DNAH8: variants seen among roughly 807,000 people sequenced by gnomAD.
DNAH8 encodes the protein axonemal beta dynein heavy chain 8.
A neutral mutation model predicts 562.1 loss-of-function variants in DNAH8; 382 were observed. The ratio of observed to expected loss-of-function variants is 0.68; its 90% CI spans 0.63 to 0.74. The LOEUF is 0.74. DNAH8 is among the 30% of genes least tolerant of loss of function. DNAH8 has a pLI of 0.00. For missense variants in DNAH8, 5,203 were observed against 5,620.4 expected (o/e 0.93, Z 2.37); for synonymous variants, 1,881 against 1,919.4 (o/e 0.98, Z 0.52).
intron 32 of DNAH8, among the ~76,000 whole-genome samples, chr6:38,837,217 G>A (rs1774374641): frequency 1.3e-5 from 2 of 152,108 alleles, no homozygotes; most frequent in South Asian, 4.2e-4. Context: ...GTATCTGTCA[G>A]ATCTGTATTT....
intron 56 of DNAH8, among the ~76,000 whole-genome samples, chr6:38,886,238 C>T (rs1210976521): frequency 6.6e-6 from 1 of 151,912 alleles, no homozygotes; most frequent in Non-Finnish European, 1.5e-5. Flanking sequence ...GGAAGTGATC[C>T]CAGAGCCCTG....
At chr6:38,863,379 A>T (rs2150412307) in intron 44 of DNAH8, among the ~76,000 whole-genome samples, 1 of 152,214 alleles carries the variant, frequency 6.6e-6, no homozygotes, top group East Asian at 1.9e-4. Context: ...GTGAGCCGAG[A>T]TCTTGCCACT....
chr6:38,898,601 G>A (rs1049335631), intron 61 of DNAH8, among the ~76,000 whole-genome samples: 1 of 152,180 alleles, frequency 6.6e-6, no homozygotes, highest in Non-Finnish European at 1.5e-5. Flanking sequence ...AGGGCAAATA[G>A]ATGGTTTTCT....
Position 38,750,463 on chromosome 6 carries a change from C to CTTTTTTTT in DNAH8, c.1294-6_1294-5insTTTTTTTT. 6.3e-7 allele frequency: 1 copy of CTTTTTTTT among 1,577,888 alleles called. No individual in the cohort carries two copies. The highest frequency in any genetic ancestry group is 1.7e-5 in the Admixed American group (1 of 58,434). On this transcript the variant is annotated splice_polypyrimidine_tract_variant and intron_variant, in intron 8 of 92. Coordinates refer to ENST00000327475, the MANE Select transcript of DNAH8 (RefSeq NM_001206927.2). ...TGGATGTTTCATAGAATTCTTATAC[C>CTTTTTTTT]TTTTTTTCTTAGAATTGGCGTGATT...
chr6:38,722,156 G>A lies in DNAH8; in HGVS notation c.-34-620G>A, dbSNP rs759372101. ...GATTTATGCTCTCTATAGTACCATTGCCTCAATAAATAGTCACAATCACTT... is the reference window on the plus strand; with the variant it reads ...GATTTATGCTCTCTATAGTACCATTACCTCAATAAATAGTCACAATCACTT... On this transcript the variant is annotated intron_variant, in intron 1 of 92. Transcript: ENST00000327475. Among the ~76,000 whole-genome samples, 11 of 152,080 alleles carry A rather than the reference G, an allele frequency of 7.2e-5. 1 individual carries two copies. The highest frequency in any genetic ancestry group is 1.5e-5 in the Non-Finnish European group (1 of 68,024).
chr6:38,920,286 A>T (rs929529115), intron 70 of DNAH8, among the ~76,000 whole-genome samples: 5 of 152,134 alleles, frequency 3.3e-5, no homozygotes, highest in African/African-American at 9.7e-5. Context: ...CAGGCTGCAA[A>T]TATTACCTAG....
intron 30 of DNAH8, among the ~76,000 whole-genome samples, chr6:38,829,717 A>G (rs972453174): frequency 7.2e-5 from 11 of 152,166 alleles, no homozygotes; most frequent in African/African-American, 1.4e-4. Flanking sequence ...TGCCAGCACC[A>G]CACTGTCTTG....
At chr6:38,823,396 CTG>C (rs911103734) in intron 27 of DNAH8, among the ~76,000 whole-genome samples, 164 bp from the exon 28 acceptor site, 10 of 152,346 alleles carry the variant, frequency 6.6e-5, no homozygotes, top group African/African-American at 2.4e-4. Context: ...GCCCTGCAGA[CTG>C]TGAAATTCCT....
intron 87 of DNAH8, among the ~76,000 whole-genome samples, chr6:38,984,987 A>C (rs1044964415): frequency 6.6e-6 from 1 of 151,950 alleles, no homozygotes; most frequent in Non-Finnish European, 1.5e-5. Context: ...ACTGGCCATC[A>C]TTTCTCTGCC....
Position 38,872,752 on chromosome 6 carries a change from CTGTGGA to C in DNAH8, c.7208_7213del (p.Leu2403_Trp2404del). 1 of 1,614,098 alleles carries C rather than the reference CTGTGGA, an allele frequency of 6.2e-7. No homozygotes were observed. The highest frequency in any genetic ancestry group is 1.1e-5 in the South Asian group (1 of 91,078). ...CTGGACAGATGGGATTTTTTCTACT[CTGTGGA>C]GAAAAACATTAAAAGCTAAAAAAGG... is the stretch of plus-strand genomic sequence containing the variant. On this transcript the variant is annotated inframe_deletion, in exon 50 of 93. Transcript: ENST00000327475.
chr6:38,854,749 C>T (rs994650555), intron 41 of DNAH8, among the ~76,000 whole-genome samples: 1 of 151,698 alleles, frequency 6.6e-6, no homozygotes, highest in Non-Finnish European at 1.5e-5. Context: ...GAGTTGAGAG[C>T]AAGTTCCAAA....
At chr6:38,850,108 G>GAA (rs11431960) in intron 37 of DNAH8, 143 bp from the exon 38 acceptor site, 387 of 649,822 alleles carry the variant, frequency 6.0e-4, no homozygotes, top group South Asian at 8.3e-4. Context: ...TAATTCAAAT[G>GAA]AAAAAAAATT....
rs1453450375 is a variant in DNAH8, at chr6:38,938,870, A to C, written c.11889A>C (p.Thr3963=). The C allele has an allele frequency of 1.9e-6, 3 of 1,613,304 alleles. No individual in the cohort carries two copies. Among genetic ancestry groups the C allele is most frequent in the Non-Finnish European group, 2.5e-6 (3 of 1,179,282 alleles). Residue 3963 remains threonine (T), a synonymous_variant, in exon 79 of 93, where the codon ACA becomes ACC. Coordinates refer to ENST00000327475, the MANE Select transcript of DNAH8 (RefSeq NM_001206927.2). Reference sequence around the variant, plus strand: ...AGTACCTGACATATGAAGTTTTTACATACTCTGTCAGAGGCCTATACGAAA... The same window carrying C: ...AGTACCTGACATATGAAGTTTTTACCTACTCTGTCAGAGGCCTATACGAAA... ...IIEYLTYEVF[T]YSVRGLYENH...
chr6:38,926,730 T>C (rs1782153971), intron 74 of DNAH8, among the ~76,000 whole-genome samples: 1 of 152,126 alleles, frequency 6.6e-6, no homozygotes, highest in Non-Finnish European at 1.5e-5. Flanking sequence ...TATTCAGTGT[T>C]TCCTAGACAC....
chr6:38,885,893 C>A (rs986491050), intron 56 of DNAH8, among the ~76,000 whole-genome samples: 1 of 152,192 alleles, frequency 6.6e-6, no homozygotes, highest in South Asian at 2.1e-4. Flanking sequence ...CATCTTGTCT[C>A]TCACCACTAG....
chr6:38,822,036 C>G (rs775729190), intron 26 of DNAH8, among the ~76,000 whole-genome samples: 3 of 152,038 alleles, frequency 2.0e-5, no homozygotes, highest in Admixed American at 6.6e-5. Context: ...ATACACAGGC[C>G]GATTCCTCCA....
chr6:38,828,066 C>T, intron 29 of DNAH8, 118 bp from the exon 30 acceptor site: 1 of 700,438 alleles, frequency 1.4e-6, no homozygotes, highest in Non-Finnish European at 2.4e-6. Flanking sequence ...TTGGAAACCA[C>T]TTTTCTAGAA....
chr6:38,797,142 C>T (rs1248872071), intron 21 of DNAH8, among the ~76,000 whole-genome samples: 1 of 152,084 alleles, frequency 6.6e-6, no homozygotes, highest in East Asian at 1.9e-4. Flanking sequence ...GCCTGTAATC[C>T]CAGCACTTTG....
At chr6:38,754,100 T>A (rs750947924) in intron 9 of DNAH8, among the ~76,000 whole-genome samples, 1 of 152,224 alleles carries the variant, frequency 6.6e-6, no homozygotes, top group Admixed American at 6.5e-5. Context: ...TTCATTTTTT[T>A]AATCACCCTG....
Sources: gnomAD v4.1 joint callset for allele counts (sites outside exome capture counted in the v4.1 genomes callset) on GRCh38, gnomAD v4.1.1 for gene constraint, MANE v1.5 for transcripts, NCBI Gene and HGNC (gene_info 2026-07-23, HGNC 2026-07-21) for gene names.